The following NDUFAF6 variants were observed in gnomAD, a reference collection of about 807,000 sequenced individuals.
NDUFAF6 encodes the protein NADH:ubiquinone oxidoreductase complex assembly factor 6, also known as NADH dehydrogenase (ubiquinone) complex I, assembly factor 6.
Under a neutral mutation model 40.8 loss-of-function variants are expected in NDUFAF6, and 45 were observed. The observed-to-expected ratio is 1.10, with a 90% CI of 0.87 to 1.42. The LOEUF is 1.42. Ranked by LOEUF, NDUFAF6 falls within the 40% of genes most tolerant of loss-of-function variation. The pLI is 0.00. For synonymous variants in NDUFAF6, 185 were observed against 155.9 expected (o/e 1.19, Z -1.39); for missense variants, 435 against 418.5 (o/e 1.04, Z -0.34).
intron 2 of NDUFAF6, among the ~76,000 whole-genome samples, chr8:95,016,780 G>A (rs1827467986): frequency 6.6e-6 from 1 of 152,046 alleles, no homozygotes; most frequent in South Asian, 2.1e-4. Flanking sequence ...GAACATCATG[G>A]TCCAAGTCCT....
At chr8:94,956,950 C>G (rs941570434), upstream of NDUFAF6, among the ~76,000 whole-genome samples, 1 of 152,072 alleles carries the variant, frequency 6.6e-6, no homozygotes, top group Non-Finnish European at 1.5e-5. Context: ...GTGGGCGGAT[C>G]ACTTGAGGTC....
downstream of NDUFAF6, among the ~76,000 whole-genome samples, chr8:95,077,192 G>GT (rs1451300404): frequency 6.6e-6 from 1 of 152,004 alleles, no homozygotes; most frequent in Non-Finnish European, 1.5e-5. Context: ...ATAAATTTCT[G>GT]TTTAGACTAC....
intron 6 of NDUFAF6, among the ~76,000 whole-genome samples, chr8:95,048,066 C>T (rs1156496153): frequency 6.6e-6 from 1 of 151,954 alleles, no homozygotes; most frequent in Non-Finnish European, 1.5e-5. Flanking sequence ...TGTTGGTGCA[C>T]ACCTATAGTC....
chr8:94,991,752 G>A (rs1333698240), intron 2 of NDUFAF6, among the ~76,000 whole-genome samples: 1 of 148,638 alleles, frequency 6.7e-6, no homozygotes, highest in Non-Finnish European at 1.5e-5. Flanking sequence ...CATCTATCTT[G>A]GAAATCTTTC....
At chr8:94,933,194 C>T (rs1345498473) in intron 1 of NDUFAF6, among the ~76,000 whole-genome samples, 1 of 151,982 alleles carries the variant, frequency 6.6e-6, no homozygotes, top group Non-Finnish European at 1.5e-5. Context: ...CCAGCCTGGG[C>T]AACAGTGAGA....
At chr8:94,913,622 C>T (rs1191996556) in intron 1 of NDUFAF6, among the ~76,000 whole-genome samples, 1 of 152,140 alleles carries the variant, frequency 6.6e-6, no homozygotes, top group Non-Finnish European at 1.5e-5. Context: ...CATTGCAAGA[C>T]CTCATCCCTA....
intron 2 of NDUFAF6, among the ~76,000 whole-genome samples, chr8:95,082,666 G>C (rs1166108191): frequency 1.3e-5 from 2 of 151,998 alleles, no homozygotes; most frequent in East Asian, 3.9e-4. Context: ...GTTTTGTTTT[G>C]TTTTGTTTTT....
intron 2 of NDUFAF6, among the ~76,000 whole-genome samples, chr8:95,088,233 C>T (rs1269634870): frequency 6.6e-6 from 1 of 152,234 alleles, no homozygotes. Context: ...TCTGCCACAG[C>T]TATGCCCATC....
At chr8:94,932,046 C>T (rs1327309391) in intron 1 of NDUFAF6, 2 of 1,603,552 alleles carry the variant, frequency 1.2e-6, no homozygotes, top group Non-Finnish European at 1.7e-6. Flanking sequence ...ATATATCACA[C>T]AGTCTCAAAG....
At chr8:95,006,833 A>G (rs1827010798) in intron 2 of NDUFAF6, among the ~76,000 whole-genome samples, 1 of 152,130 alleles carries the variant, frequency 6.6e-6, no homozygotes, top group South Asian at 2.1e-4. Context: ...CAATGAGCCG[A>G]GATCATGCCA....
At chr8:94,966,488 G>C (rs1824023900) in intron 1 of NDUFAF6, among the ~76,000 whole-genome samples, 2 of 152,164 alleles carry the variant, frequency 1.3e-5, no homozygotes, top group Admixed American at 1.3e-4. Flanking sequence ...CAGCTACTTG[G>C]GAGGCTGAGG....
At chr8:94,935,089 C>CGGTAGGGA (rs1820822432) in intron 1 of NDUFAF6, among the ~76,000 whole-genome samples, 1 of 149,836 alleles carries the variant, frequency 6.7e-6, no homozygotes, top group African/African-American at 2.5e-5. Flanking sequence ...AAACAGGAAA[C>CGGTAGGGA]GGTAGGTAGG....
In NDUFAF6 at chr8:95,075,506, A is replaced by C. The variant is rs1277149944; in HGVS notation, c.*512-127A>C. The C allele has an allele frequency of 4.6e-5, 26 of 570,024 alleles. No homozygotes were observed. The Admixed American group carries it at 6.9e-4, about 15-fold the overall frequency. 35.3% of individuals were successfully genotyped at this position (570,024 alleles called of 1,614,324 possible). The stretch of plus-strand genomic sequence containing the variant: ...TATTATTTTGTCAGCCTAGATTAGC[A>C]CTCCCTTTTTGGAGCTGGGATTTTA... On this transcript the variant is annotated intron_variant and NMD_transcript_variant, in intron 9 of 9. Coordinates refer to the NDUFAF6 transcript ENST00000520757.
At chr8:94,977,198 T>C (rs1208194213) in intron 1 of NDUFAF6, among the ~76,000 whole-genome samples, 4 of 149,214 alleles carry the variant, frequency 2.7e-5, no homozygotes, top group African/African-American at 9.9e-5. Flanking sequence ...GCTTTTCTAC[T>C]ACAATAAAAA....
intron 1 of NDUFAF6, among the ~76,000 whole-genome samples, chr8:94,898,344 A>G (rs1465801057): frequency 6.6e-6 from 1 of 152,202 alleles, no homozygotes; most frequent in African/African-American, 2.4e-5. Flanking sequence ...CCTCTTGGCC[A>G]TGGCAGTTTC....
intron 9 of NDUFAF6, among the ~76,000 whole-genome samples, chr8:95,074,797 A>G (rs2599706): frequency 0.87 from 131,736 of 152,104 alleles, 57,379 homozygotes; most frequent in East Asian, 1. Flanking sequence ...TTACTTCCTC[A>G]CTGGTTTCCT....
intron 2 of NDUFAF6, among the ~76,000 whole-genome samples, chr8:94,990,610 A>G (rs949158580): frequency 7.9e-5 from 12 of 152,218 alleles, no homozygotes; most frequent in Admixed American, 3.9e-4. Flanking sequence ...ACAGCCATGG[A>G]AACGTGGTTG....
At chr8:94,951,773 G>C (rs1285568818) in intron 2 of NDUFAF6, among the ~76,000 whole-genome samples, 2 of 152,224 alleles carry the variant, frequency 1.3e-5, no homozygotes, top group Non-Finnish European at 2.9e-5. Context: ...TGTACTGCCT[G>C]TATCTGGGGT....
intron 1 of NDUFAF6, among the ~76,000 whole-genome samples, chr8:94,907,002 C>A (rs916711773): frequency 7.2e-5 from 11 of 152,192 alleles, no homozygotes; most frequent in African/African-American, 2.7e-4. Flanking sequence ...GTTGAAACTA[C>A]GTGTCTGCCT....
Sources: allele counts gnomAD v4.1 joint callset (sites outside exome capture counted in the v4.1 genomes callset), GRCh38; gene constraint gnomAD v4.1.1; transcripts MANE v1.5; gene names NCBI Gene and HGNC (gene_info 2026-07-23, HGNC 2026-07-21).